The following EVC2 variants were observed in gnomAD, a reference collection of about 807,000 sequenced individuals.
EVC2 encodes the protein limbin.
EVC2 carries 148 observed loss-of-function variants against 149.3 expected under a neutral mutation model. The ratio of observed to expected loss-of-function variants is 0.99; its 90% CI spans 0.87 to 1.14. The LOEUF is 1.14. Ranked by LOEUF, EVC2 falls within the 50% of genes most tolerant of loss-of-function variation. The pLI is 0.00. For synonymous variants in EVC2, 776 were observed against 649.9 expected (o/e 1.19, Z -2.95); for missense variants, 1,854 against 1,627.3 (o/e 1.14, Z -2.40).
At chr4:5,574,490 G>A (rs560363371) in intron 19 of EVC2, among the ~76,000 whole-genome samples, 195 bp downstream of exon 19, 4 of 152,340 alleles carry the variant, frequency 2.6e-5, no homozygotes, top group East Asian at 1.9e-4. Context: ...TTATGGTTGC[G>A]GTTGCTGCCA....
intron 9 of EVC2, among the ~76,000 whole-genome samples, chr4:5,651,896 T>C (rs1465586303): frequency 1.3e-5 from 2 of 152,346 alleles, no homozygotes; most frequent in East Asian, 3.9e-4. Context: ...TGTCCCAGGT[T>C]GCACTGTCTT....
At chr4:5,598,572 G>C (rs562766865) in intron 16 of EVC2, among the ~76,000 whole-genome samples, 1 of 152,144 alleles carries the variant, frequency 6.6e-6, no homozygotes, top group Non-Finnish European at 1.5e-5. Flanking sequence ...ATCAATTCAA[G>C]ATGGATTAAA....
chr4:5,544,630 G>C (rs983738969), intron 21 of EVC2, among the ~76,000 whole-genome samples: 1 of 152,150 alleles, frequency 6.6e-6, no homozygotes. Flanking sequence ...AACAGCTTCA[G>C]GACAAATCAC....
At chr4:5,674,979 A>AG (rs1719898366) in intron 7 of EVC2, among the ~76,000 whole-genome samples, 2 of 152,212 alleles carry the variant, frequency 1.3e-5, no homozygotes, top group African/African-American at 2.4e-5. Context: ...ACAAGCCCCC[A>AG]GGCATACAAA....
chr4:5,568,453 CCCA>C lies in EVC2; in HGVS notation c.3545_3547del (p.Val1182del). 6.4e-7 allele frequency: 1 copy of C among 1,558,878 alleles called. No individual in the cohort carries two copies. Among genetic ancestry groups the C allele is most frequent in the African/African-American group, 1.3e-5 (1 of 74,120 alleles). On this transcript the variant is annotated inframe_deletion, in exon 20 of 22. Coordinates refer to ENST00000344408, the MANE Select transcript of EVC2 (RefSeq NM_147127.5). ...CCTCCACGGCACTCACCTCCGCCTG[CCCA>C]CGTCGGCCTGCTCCGCTCCGCCATC...
intron 16 of EVC2, among the ~76,000 whole-genome samples, chr4:5,597,285 T>C (rs1198857837): frequency 6.6e-6 from 1 of 152,178 alleles, no homozygotes; most frequent in African/African-American, 2.4e-5. Context: ...TTTAGACCAA[T>C]ATCCTTGATG....
chr4:5,648,921 A>C (rs557752917), intron 9 of EVC2, among the ~76,000 whole-genome samples: 80 of 152,362 alleles, frequency 5.3e-4, no homozygotes, highest in African/African-American at 1.8e-3. Flanking sequence ...AAGGGCTGCA[A>C]GAGAGGAAAA....
chr4:5,664,345 T>C (rs1232170012), intron 8 of EVC2, among the ~76,000 whole-genome samples: 2 of 152,184 alleles, frequency 1.3e-5, no homozygotes, highest in African/African-American at 4.8e-5. Flanking sequence ...TGAGAAGAGT[T>C]CATTCTGTGA....
rs768068789 is a variant in EVC2, at chr4:5,631,883, G to C, written c.1620C>G (p.Ile540Met). Residue 540 changes from isoleucine (I) to methionine (M), a missense_variant, in exon 11 of 22, where the codon ATC becomes ATG. By Grantham distance (10) the Ile-to-Met change is conservative. Transcript: ENST00000344408. ...TAGCACTTTTTATCTGGGTAAAAAA[G>C]ATACTGTGCAGTTCATTTCTCTGGA... is the stretch of plus-strand genomic sequence containing the variant. ...AVFQRNELHS[I>M]FFTQIKSAIF... 1.2e-6 allele frequency: 2 copies of C among 1,614,100 alleles called. No homozygotes were observed. The highest frequency in any genetic ancestry group is 1.7e-6 in the Non-Finnish European group (2 of 1,180,050).
Position 5,677,813 on chromosome 4 carries a change from G to A in EVC2, c.870+3447C>T, listed in dbSNP as rs1304908306. Among the ~76,000 whole-genome samples the A allele has an allele frequency of 1.3e-5, 2 of 152,154 alleles. No homozygotes were observed. The highest frequency in any genetic ancestry group is 6.5e-5 in the Admixed American group (1 of 15,270). ...AGGCAAATCCGACATGGCCTCACCC[G>A]CCAGGAGCTCACAGACCACCAGAAG... On this transcript the variant is annotated intron_variant, in intron 7 of 21. Coordinates refer to ENST00000344408, the MANE Select transcript of EVC2 (RefSeq NM_147127.5). The surrounding 1 kb of genome is among the most constrained non-coding windows in gnomAD (Gnocchi z 4.3).
At chr4:5,672,728 T>C (rs1719728632) in intron 7 of EVC2, among the ~76,000 whole-genome samples, 1 of 152,182 alleles carries the variant, frequency 6.6e-6, no homozygotes, top group Non-Finnish European at 1.5e-5. Flanking sequence ...ACTCGAATGC[T>C]CACAGCAGCA....
chr4:5,540,286 T>C (rs949456304), downstream of EVC2, among the ~76,000 whole-genome samples: 2 of 152,248 alleles, frequency 1.3e-5, no homozygotes, highest in Admixed American at 6.5e-5. Flanking sequence ...ATTCTTACAA[T>C]GCTTAGTATA....
At position 5,685,558 on chromosome 4, in the gene EVC2, T is replaced by C. The variant is rs191916794; in HGVS notation, c.707-79A>G. 5.1e-4 allele frequency: 605 copies of C among 1,187,800 alleles called. 2 individuals are homozygous for C. The African/African-American group carries it at 7.8e-3, about 15-fold the overall frequency. 73.6% of individuals were successfully genotyped at this position (1,187,800 alleles called of 1,614,324 possible). A position where few individuals can be genotyped will look rare whatever the true frequency, so the allele number is the denominator to read the frequency against. On this transcript the variant is annotated intron_variant, in intron 5 of 21. Coordinates refer to ENST00000344408, the MANE Select transcript of EVC2 (RefSeq NM_147127.5). Reference sequence around the variant, plus strand: ...TGCACCCCACCACACCCCAGACACATCCTGGCCCCTGGCTTCAGTGGTTCC... The same window carrying C: ...TGCACCCCACCACACCCCAGACACACCCTGGCCCCTGGCTTCAGTGGTTCC...
intron 10 of EVC2, 24 bp from the exon 11 acceptor site, chr4:5,632,056 T>C (rs1236501655): frequency 6.2e-7 from 1 of 1,612,844 alleles, no homozygotes; most frequent in African/African-American, 1.3e-5. Flanking sequence ...AGGGAGAGCG[T>C]GAGAAACTGA....
chr4:5,620,322 A>G (rs1170640946), intron 14 of EVC2, among the ~76,000 whole-genome samples: 1 of 152,198 alleles, frequency 6.6e-6, no homozygotes, highest in African/African-American at 2.4e-5. Flanking sequence ...ATCGGCCCTG[A>G]GCACTCTTGT....
At chr4:5,690,901 G>A (rs1405006989) in intron 4 of EVC2, among the ~76,000 whole-genome samples, 2 of 152,160 alleles carry the variant, frequency 1.3e-5, no homozygotes, top group Non-Finnish European at 2.9e-5. Context: ...TAATATGTGG[G>A]ATTGTAACCA....
rs1577195366 is a variant in EVC2 at position 5,640,808 on chromosome 4, A to G, written c.1176T>C (p.Asp392=). 4 of 1,614,226 alleles carry G rather than the reference A, an allele frequency of 2.5e-6. No homozygotes were observed. The South Asian group carries it at 4.4e-5, about 18-fold the overall frequency. ...ELEIATLNRA[D]ADLEACRTQI... ...GTGTTCGACAAGCCTCCAGATCTGC[A>G]TCTGCCCGATTCAGGGTTGCAATCT... The change falls in exon 10 of 22, where the codon GAT becomes GAC. Residue 392 remains aspartate (D), a synonymous_variant. Coordinates refer to ENST00000344408, the MANE Select transcript of EVC2 (RefSeq NM_147127.5). This position sits in a 1 kb window ranked among gnomAD's most constrained non-coding sequence, Gnocchi z 4.6.
chr4:5,551,410 T>G (rs966714487), intron 21 of EVC2, among the ~76,000 whole-genome samples: 4 of 152,200 alleles, frequency 2.6e-5, no homozygotes, highest in Non-Finnish European at 2.9e-5. Context: ...CCCTGCTGGA[T>G]TTTGGGCTTG....
intron 13 of EVC2, among the ~76,000 whole-genome samples, chr4:5,624,189 A>G (rs563467382): frequency 6.6e-6 from 1 of 152,136 alleles, no homozygotes; most frequent in African/African-American, 2.4e-5. Context: ...CCGTGGTGGG[A>G]AAAAAATTGA....
Sources: allele counts gnomAD v4.1 joint callset (sites outside exome capture counted in the v4.1 genomes callset), GRCh38; gene constraint gnomAD v4.1.1; non-coding constraint Gnocchi (gnomAD v3.1); transcripts MANE v1.5; gene names NCBI Gene and HGNC (gene_info 2026-07-23, HGNC 2026-07-21).